Variants in GRIK1 observed in about 807,000 individuals in gnomAD.
GRIK1 encodes glutamate receptor ionotropic, kainate 1.
GRIK1 carries 69 observed loss-of-function variants against 105.7 expected under a neutral mutation model. The observed-to-expected ratio is 0.65, with a 90% confidence interval of 0.54 to 0.80. GRIK1 has a LOEUF of 0.80. GRIK1 is among the 30% of genes least tolerant of loss of function. The pLI is 0.00. For synonymous variants in GRIK1, 438 were observed against 431.3 expected (o/e 1.02, Z -0.19); for missense variants, 1,109 against 1,167.3 (o/e 0.95, Z 0.73).
At chr21:29,887,559 A>G (rs772721027) in intron 1 of GRIK1, among the ~76,000 whole-genome samples, 2 of 152,162 alleles carry the variant, frequency 1.3e-5, no homozygotes, top group Non-Finnish European at 2.9e-5. Flanking sequence ...ACTGATAACA[A>G]CATACATAAC....
intron 7 of GRIK1, among the ~76,000 whole-genome samples, chr21:29,642,125 T>C (rs972838933): frequency 2.0e-5 from 3 of 152,160 alleles, no homozygotes; most frequent in African/African-American, 7.2e-5. Flanking sequence ...CTGAGGTTCG[T>C]GGTGGAATGG....
intron 1 of GRIK1, among the ~76,000 whole-genome samples, chr21:29,809,816 G>A (rs978450622): frequency 2.6e-5 from 4 of 152,136 alleles, no homozygotes; most frequent in East Asian, 3.9e-4. Flanking sequence ...AACACCTAGA[G>A]GCCATTGTAG....
intron 1 of GRIK1, among the ~76,000 whole-genome samples, chr21:29,801,470 GA>G (rs547865612): frequency 7.0e-4 from 106 of 152,068 alleles, no homozygotes; most frequent in African/African-American, 2.3e-3. Context: ...TTGAAATGTG[GA>G]AAAAAGCCCC....
intron 1 of GRIK1, among the ~76,000 whole-genome samples, chr21:29,821,348 T>C (rs1038707446): frequency 1.3e-5 from 2 of 152,104 alleles, no homozygotes; most frequent in Non-Finnish European, 2.9e-5. Context: ...CCTCAGTCTA[T>C]GGCACATATC....
chr21:29,902,193 C>T (rs1430988399), intron 1 of GRIK1, among the ~76,000 whole-genome samples: 1 of 152,182 alleles, frequency 6.6e-6, no homozygotes, highest in Non-Finnish European at 1.5e-5. Context: ...CAATGTCATA[C>T]TGAATGGGCA....
intron 4 of GRIK1, among the ~76,000 whole-genome samples, chr21:29,662,392 C>T (rs2062982373): frequency 6.6e-6 from 1 of 152,268 alleles, no homozygotes; most frequent in South Asian, 2.1e-4. Context: ...AAAATAACCT[C>T]TCTGCAACAT....
chr21:29,702,581 C>T (rs1382639276), intron 1 of GRIK1, among the ~76,000 whole-genome samples: 1 of 152,056 alleles, frequency 6.6e-6, no homozygotes, highest in Non-Finnish European at 1.5e-5. Flanking sequence ...CATGGTGGCA[C>T]GCACCTGTAA....
chr21:29,693,112 A>AC (rs941552455), intron 2 of GRIK1, among the ~76,000 whole-genome samples: 3 of 151,824 alleles, frequency 2.0e-5, no homozygotes, highest in Non-Finnish European at 4.4e-5. Context: ...GAGGCAAAGA[A>AC]CCCCCCCAAT....
At chr21:29,848,694 G>T (rs571999774) in intron 1 of GRIK1, among the ~76,000 whole-genome samples, 2 of 145,562 alleles carry the variant, frequency 1.4e-5, no homozygotes, top group African/African-American at 5.1e-5. Flanking sequence ...TTTGCATACC[G>T]TTTATTACAT....
chr21:29,702,961 C>G (rs546459567), intron 1 of GRIK1, among the ~76,000 whole-genome samples: 1 of 152,314 alleles, frequency 6.6e-6, no homozygotes, highest in Admixed American at 6.5e-5. Flanking sequence ...ACACAGGAAA[C>G]TAATGCAGCA....
At chr21:29,553,427 A>C (rs1001356205) in intron 16 of GRIK1, 1 of 1,385,844 alleles carries the variant, frequency 7.2e-7, no homozygotes, top group Non-Finnish European at 9.3e-7. Context: ...TCTAGAATAC[A>C]TGAGTTTTGC....
At chr21:29,835,100 C>T (rs2067752865) in intron 1 of GRIK1, among the ~76,000 whole-genome samples, 1 of 152,138 alleles carries the variant, frequency 6.6e-6, no homozygotes, top group Admixed American at 6.6e-5. Flanking sequence ...TTCTTCTGGA[C>T]CGCACTTAAC....
rs539112514 is a variant in GRIK1 at position 29,639,483 on chromosome 21, C to T, written c.1098+3343G>A. 4.6e-5 allele frequency among the ~76,000 whole-genome samples: 7 copies of T among 152,198 alleles called. No homozygotes were observed. In the East Asian group the frequency reaches 1.2e-3, roughly 25 times the overall value. ...CATGACCCAGAGGAGCACGGCATTGCAATCAGAGTTAAAATAATTTGGTAG... is the reference window on the plus strand; with the variant it reads ...CATGACCCAGAGGAGCACGGCATTGTAATCAGAGTTAAAATAATTTGGTAG... On this transcript the variant is annotated intron_variant, in intron 7 of 17. Coordinates refer to ENST00000327783, the MANE Select transcript of GRIK1 (RefSeq NM_001330994.2).
At chr21:29,720,478 G>C (rs1011618810) in intron 1 of GRIK1, among the ~76,000 whole-genome samples, 4 of 151,916 alleles carry the variant, frequency 2.6e-5, no homozygotes, top group South Asian at 4.2e-4. Context: ...AGAGCAACCA[G>C]TTGCATGTGT....
chr21:29,705,193 T>C (rs764147961), intron 1 of GRIK1, among the ~76,000 whole-genome samples: 46 of 152,234 alleles, frequency 3.0e-4, no homozygotes, highest in Non-Finnish European at 5.0e-4. Flanking sequence ...TGTTAAAGAT[T>C]AGAACTGATG....
intron 1 of GRIK1, among the ~76,000 whole-genome samples, chr21:29,918,933 G>A (rs1228850776): frequency 6.6e-6 from 1 of 151,952 alleles, no homozygotes. Flanking sequence ...AAGAGTATTT[G>A]GAGAAGGTGA....
chr21:29,659,907 A>G (rs1427856316), intron 4 of GRIK1, among the ~76,000 whole-genome samples: 1 of 152,134 alleles, frequency 6.6e-6, no homozygotes, highest in Non-Finnish European at 1.5e-5. Context: ...GATTGTGGTG[A>G]GCCGAGATCA....
At chr21:29,808,024 TCACTGAA>T (rs1204427962) in intron 1 of GRIK1, among the ~76,000 whole-genome samples, 1 of 152,126 alleles carries the variant, frequency 6.6e-6, no homozygotes, top group African/African-American at 2.4e-5. Flanking sequence ...AAATAACAGA[TCACTGAA>T]CACTCAGGAT....
At chr21:29,907,134 T>A (rs1222240742) in intron 1 of GRIK1, among the ~76,000 whole-genome samples, 2 of 151,932 alleles carry the variant, frequency 1.3e-5, no homozygotes, top group Non-Finnish European at 2.9e-5. Context: ...TCATTGCTGC[T>A]TTTTTTGTTT....
Sources: gnomAD v4.1 joint callset for allele counts (sites outside exome capture counted in the v4.1 genomes callset) on GRCh38, gnomAD v4.1.1 for gene constraint, MANE v1.5 for transcripts, NCBI Gene and HGNC (gene_info 2026-07-23, HGNC 2026-07-21) for gene names.